The following DSCAM variants were observed in gnomAD, a reference collection of about 807,000 sequenced individuals.
DSCAM encodes the protein cell adhesion molecule DSCAM.
Under a neutral mutation model 217.7 loss-of-function variants are expected in DSCAM, and 47 were observed. The observed-to-expected ratio is 0.22, with a 90% confidence interval of 0.17 to 0.28. The LOEUF is 0.28. DSCAM is among the 10% of genes least tolerant of loss of function. DSCAM has a pLI of 1.00. For missense variants in DSCAM, 2,080 were observed against 2,618.3 expected, an observed-to-expected ratio of 0.79 and a Z score of 4.49; for synonymous variants, 1,056 against 1,015.3, an observed-to-expected ratio of 1.04 and a Z score of -0.76.
At chr21:40,715,004 T>C (rs184572235) in intron 1 of DSCAM, among the ~76,000 whole-genome samples, 18 of 152,322 alleles carry the variant, frequency 1.2e-4, no homozygotes, top group African/African-American at 4.1e-4. Flanking sequence ...TTTCTTTCTA[T>C]CCTGAACACT....
intron 3 of DSCAM, among the ~76,000 whole-genome samples, chr21:40,625,237 GAT>G (rs1718689815): frequency 6.6e-6 from 1 of 152,062 alleles, no homozygotes; most frequent in Admixed American, 6.5e-5. Flanking sequence ...AAACCACAGA[GAT>G]ATACATGGAG....
intron 4 of DSCAM, among the ~76,000 whole-genome samples, chr21:40,366,404 G>T (rs1467911984): frequency 6.6e-6 from 1 of 151,822 alleles, no homozygotes; most frequent in Non-Finnish European, 1.5e-5. Context: ...TGTGTTCCCT[G>T]TCATTTCATT....
intron 3 of DSCAM, among the ~76,000 whole-genome samples, chr21:40,501,717 G>C (rs944276222): frequency 6.6e-6 from 1 of 152,142 alleles, no homozygotes; most frequent in Non-Finnish European, 1.5e-5. Context: ...TCAGCCTCCA[G>C]AGTAGCTGAG....
chr21:40,735,102 C>T (rs1192934727), intron 1 of DSCAM, among the ~76,000 whole-genome samples: 2 of 152,210 alleles, frequency 1.3e-5, no homozygotes, highest in African/African-American at 4.8e-5. Flanking sequence ...TTCTCTTTGC[C>T]TGTACATATA....
chr21:40,013,493 C>T (rs1366727840), intron 32 of DSCAM, 107 bp from the exon 33 acceptor site: 7 of 756,064 alleles, frequency 9.3e-6, no homozygotes, highest in Admixed American at 3.6e-5. Flanking sequence ...ATGAGAATGC[C>T]GCTGCACACA....
At chr21:40,814,634 T>G (rs556507555) in intron 1 of DSCAM, among the ~76,000 whole-genome samples, 1 of 152,206 alleles carries the variant, frequency 6.6e-6, no homozygotes. Flanking sequence ...GGGGTTTTAG[T>G]TAATCATGAA....
intron 3 of DSCAM, among the ~76,000 whole-genome samples, chr21:40,583,383 C>G (rs940227234): frequency 6.6e-6 from 1 of 152,064 alleles, no homozygotes; most frequent in African/African-American, 2.4e-5. Context: ...TATCAACTTT[C>G]GGAACTATAA....
At chr21:40,539,367 C>T (rs1473791972) in intron 3 of DSCAM, among the ~76,000 whole-genome samples, 10 of 151,892 alleles carry the variant, frequency 6.6e-5, no homozygotes, top group Admixed American at 3.3e-4. Context: ...TGGTGGCAGG[C>T]GCCTGTAGTC....
intron 3 of DSCAM, among the ~76,000 whole-genome samples, chr21:40,581,127 G>C (rs1408726440): frequency 1.3e-5 from 2 of 152,216 alleles, no homozygotes; most frequent in Non-Finnish European, 2.9e-5. Flanking sequence ...CAGGACTCTG[G>C]ATAAAGCAGG....
intron 18 of DSCAM, among the ~76,000 whole-genome samples, chr21:40,136,132 A>G (rs1208193640): frequency 6.6e-6 from 1 of 152,188 alleles, no homozygotes; most frequent in East Asian, 1.9e-4. Flanking sequence ...CAATTTGGAA[A>G]TCTCAACGGA....
intron 8 of DSCAM, among the ~76,000 whole-genome samples, chr21:40,320,257 C>A (rs1391742985): frequency 9.2e-5 from 14 of 152,154 alleles, no homozygotes; most frequent in Admixed American, 9.2e-4. Context: ...TGATAAAAAT[C>A]TTTCCTCATA....
intron 7 of DSCAM, 113 bp from the exon 8 acceptor site, chr21:40,338,489 C>G: frequency 2.6e-6 from 3 of 1,136,680 alleles, no homozygotes; most frequent in Non-Finnish European, 1.2e-6. Flanking sequence ...GTAAGCACAT[C>G]TTTTTCAGTT....
At chr21:40,084,211 A>T (rs995393880) in intron 23 of DSCAM, among the ~76,000 whole-genome samples, 9 of 151,834 alleles carry the variant, frequency 5.9e-5, no homozygotes, top group East Asian at 3.9e-4. Flanking sequence ...TCTATTATTT[A>T]AAAAAAAATT....
At chr21:40,693,777 G>T (rs2090566554) in intron 2 of DSCAM, among the ~76,000 whole-genome samples, 1 of 152,150 alleles carries the variant, frequency 6.6e-6, no homozygotes, top group African/African-American at 2.4e-5. Flanking sequence ...TAGACAGCCT[G>T]CCCAAACACT....
intron 3 of DSCAM, among the ~76,000 whole-genome samples, chr21:40,592,625 C>A (rs924580606): frequency 2.6e-5 from 4 of 152,108 alleles, no homozygotes; most frequent in Non-Finnish European, 2.9e-5. Context: ...CATGCTGTTC[C>A]TTCTGGCTTC....
intron 3 of DSCAM, among the ~76,000 whole-genome samples, chr21:40,651,613 G>C (rs977846700): frequency 1.3e-5 from 2 of 152,114 alleles, no homozygotes; most frequent in African/African-American, 2.4e-5. Context: ...CCCTGGAGTA[G>C]AGCTACTGCA....
chr21:40,620,665 T>C (rs1297371817), intron 3 of DSCAM, among the ~76,000 whole-genome samples: 10 of 152,248 alleles, frequency 6.6e-5, no homozygotes, highest in Admixed American at 4.6e-4. Flanking sequence ...AACTCTCATA[T>C]ACTGCTAGTG....
At chr21:40,570,367 C>G (rs1469597406) in intron 3 of DSCAM, among the ~76,000 whole-genome samples, 1 of 152,180 alleles carries the variant, frequency 6.6e-6, no homozygotes, top group Non-Finnish European at 1.5e-5. Flanking sequence ...ACAGCCCAGC[C>G]ACATGTCAGA....
chr21:40,164,004 T>C (rs1187517794), intron 16 of DSCAM, among the ~76,000 whole-genome samples: 3 of 152,158 alleles, frequency 2.0e-5, no homozygotes, highest in Admixed American at 6.5e-5. Context: ...CACCTCTCCT[T>C]CACTTACCCA....
Sources: allele counts gnomAD v4.1 joint callset (sites outside exome capture counted in the v4.1 genomes callset), GRCh38; gene constraint gnomAD v4.1.1; transcripts MANE v1.5; gene names NCBI Gene and HGNC (gene_info 2026-07-23, HGNC 2026-07-21).